OCRL: variants seen among roughly 807,000 people sequenced by gnomAD.
The protein encoded by OCRL is OCRL inositol polyphosphate-5-phosphatase, also known as inositol polyphosphate 5-phosphatase OCRL.
Under a neutral mutation model 78.9 loss-of-function variants are expected in OCRL, and 8 were observed. The ratio of observed to expected loss-of-function variants is 0.10; its 90% CI spans 0.06 to 0.18. OCRL has a LOEUF of 0.18. Among genes scored for constraint, OCRL ranks in the 10% least tolerant of loss-of-function variants. OCRL has a pLI of 1.00. For synonymous variants in OCRL, 240 were observed against 235.4 expected (o/e 1.02, Z -0.18); for missense variants, 454 against 696.7 (o/e 0.65, Z 3.92).
rs770265316 is a variant in OCRL at position 129,540,566 on chromosome X, A to G, written c.39+88A>G. ...CTGCGGAACACGGTGGGGCGGGGCA[A>G]CCGGGTGGCCCAGAGGCCGAGCAGA... On this transcript the variant is annotated intron_variant, in intron 1 of 23. Transcript: ENST00000371113. 4.6e-4 allele frequency: 440 copies of G among 955,713 alleles called. 3 individuals are homozygous for G. The African/African-American group carries it at 8.0e-3, about 17-fold the overall frequency. 78.8% of individuals were successfully genotyped at this position (955,713 alleles called of 1,213,427 possible).
chrX:129,547,814 A>G (rs1237266300), intron 3 of OCRL, among the ~76,000 whole-genome samples: 1 of 111,735 alleles, frequency 8.9e-6, no homozygotes, highest in Admixed American at 9.5e-5. Context: ...AGGTAGATCC[A>G]GGCTAATCCC....
rs1452310953 is a variant in OCRL at position 129,584,352 on chromosome X, C to T, written c.2124C>T (p.Asp708=). The part of the protein sequence containing the change: ...PVTKLIDLEE[D]SFLEKEKSLL... ...TCCTGCTCCGCTCTCAGGAAGAAGA[C>T]AGCTTCCTAGAAAAGGTAATGCAAT... The change falls in exon 19 of 24, where the codon GAC becomes GAT. Residue 708 remains aspartate (D), a synonymous_variant. Transcript: ENST00000371113. The T allele has an allele frequency of 1.3e-5, 16 of 1,208,351 alleles. No homozygotes were observed. Among genetic ancestry groups the T allele is most frequent in the African/African-American group, 1.7e-5 (1 of 57,717 alleles).
chrX:129,569,915 C>T (rs1286224410), intron 15 of OCRL, among the ~76,000 whole-genome samples: 1 of 98,529 alleles, frequency 1.0e-5, no homozygotes, highest in Non-Finnish European at 2.0e-5. Context: ...GTGATCTTGG[C>T]TCACTGCAAC....
At chrX:129,557,259 A>T in intron 4 of OCRL, 66 bp from the exon 5 acceptor site, 2 of 938,770 alleles carry the variant, frequency 2.1e-6, no homozygotes, top group South Asian at 4.0e-5. Flanking sequence ...TGATAAGTTG[A>T]GAATATGATC....
Position 129,561,306 on chromosome X carries a change from T to C in OCRL, c.939+13T>C. 9.5e-7 allele frequency: 1 copy of C among 1,048,317 alleles called. No individual in the cohort carries two copies. Among genetic ancestry groups the C allele is most frequent in the Non-Finnish European group, 1.3e-6 (1 of 746,652 alleles). The allele number at this position is 1,048,317 out of a possible 1,213,427, so 86.4% of individuals were successfully genotyped here. A position where few individuals can be genotyped will look rare whatever the true frequency, so the allele number is the denominator to read the frequency against. ...CAAGTATAAGAAAGTAAGCCGCATT[T>C]AATTATCTTTTTAAGTGTATGACTA... On this transcript the variant is annotated intron_variant, in intron 10 of 23. Transcript: ENST00000371113.
intron 10 of OCRL, among the ~76,000 whole-genome samples, chrX:129,561,515 A>G (rs1453170834): frequency 8.9e-6 from 1 of 111,916 alleles, no homozygotes; most frequent in Non-Finnish European, 1.9e-5. Context: ...CTTTTAGGGG[A>G]AAAAAGAATT....
chrX:129,563,215 C>G (rs1322339113), intron 12 of OCRL, among the ~76,000 whole-genome samples: 1 of 111,744 alleles, frequency 8.9e-6, no homozygotes, highest in Non-Finnish European at 1.9e-5. Context: ...TCCAATATGA[C>G]AACCAGTAGC....
At position 129,565,856 on chromosome X, in the gene OCRL, C is replaced by T. The variant is rs963592941; in HGVS notation, c.1329C>T (p.Asp443=). ...TGAAAAGTCTTATTAATAAGAAAGACCTTCAGAGACTCTTGAAATTCGACC... is the reference window on the plus strand; with the variant it reads ...TGAAAAGTCTTATTAATAAGAAAGATCTTCAGAGACTCTTGAAATTCGACC... ...NEVKSLINKK[D]LQRLLKFDQL... Residue 443 remains aspartate, a synonymous_variant, in exon 13 of 24, where the codon GAC becomes GAT. Coordinates refer to ENST00000371113, the MANE Select transcript of OCRL (RefSeq NM_000276.4). 2.5e-6 allele frequency: 3 copies of T among 1,194,430 alleles called. No homozygotes were observed.
Position 129,540,471 on chromosome X carries a change from C to A in OCRL, c.32C>A (p.Pro11Gln), listed in dbSNP as rs1359386930. Reference protein sequence around the residue: MEPPLPVGAQPLATVEGMEMK... With the variant: MEPPLPVGAQQLATVEGMEMK... ...CCGCCGCTCCCGGTCGGAGCCCAGC[C>A]GCTTGCCGTATCCGCCGGAGAGAAG... The change falls in exon 1 of 24, where the codon CCG becomes CAG. Residue 11 changes from proline (P) to glutamine (Q), a missense_variant. Physicochemically the swap from Pro to Gln is moderately conservative, Grantham distance 76. Coordinates refer to ENST00000371113, the MANE Select transcript of OCRL (RefSeq NM_000276.4). 8.7e-7 allele frequency: 1 copy of A among 1,144,209 alleles called. No homozygotes were observed. The highest frequency in any genetic ancestry group is 1.2e-6 in the Non-Finnish European group (1 of 865,170). 94.3% of individuals were successfully genotyped at this position (1,144,209 alleles called of 1,213,427 possible).
intron 22 of OCRL, chrX:129,589,570 A>G (rs958388572): frequency 2.1e-5 from 8 of 378,612 alleles, no homozygotes; most frequent in South Asian, 7.1e-5. Context: ...ACAGATGAAC[A>G]CTGACCTATT....
Position 129,540,398 on chromosome X carries a change from G to A in OCRL, c.-42G>A. 8 of 1,149,440 alleles carry A rather than the reference G, an allele frequency of 7.0e-6. No individual in the cohort carries two copies. Among genetic ancestry groups the A allele is most frequent in the South Asian group, 1.9e-5 (1 of 52,413 alleles). The allele number at this position is 1,149,440 out of a possible 1,213,427, so 94.7% of individuals were successfully genotyped here. On this transcript the variant is annotated 5_prime_UTR_variant, in exon 1 of 24. Coordinates refer to ENST00000371113, the MANE Select transcript of OCRL (RefSeq NM_000276.4). ...ACGCGGGAGCCAGTGTCGTCGGATCGGCCCGCAGTCCGCTGTCCTGCTGAG... is the reference window on the plus strand; with the variant it reads ...ACGCGGGAGCCAGTGTCGTCGGATCAGCCCGCAGTCCGCTGTCCTGCTGAG...
In OCRL at chrX:129,561,234, G is replaced by C. The variant is rs776619227; in HGVS notation, c.880G>C (p.Glu294Gln). 1 of 1,209,156 alleles carries C rather than the reference G, an allele frequency of 8.3e-7. No homozygotes were observed. Among genetic ancestry groups the C allele is most frequent in the Non-Finnish European group, 1.1e-6 (1 of 893,299 alleles). The change falls in exon 10 of 24, where the codon GAA becomes CAA. Residue 294 changes from glutamate (E) to glutamine (Q), a missense_variant. Glu to Gln is a conservative substitution (Grantham distance 29). Around this residue, in one of 2 missense-constraint regions of OCRL, gnomAD observed 277 missense variants for 517.1 expected, o/e 0.54. Transcript: ENST00000371113. Reference sequence around the variant, plus strand: ...CTTCTTCTACTTTGAATCTGTGAAGGAACAAGAATGGTCCATGGCTGTAGA... The same window carrying C: ...CTTCTTCTACTTTGAATCTGTGAAGCAACAAGAATGGTCCATGGCTGTAGA... ...EAFFYFESVKEQEWSMAVERG... is the reference protein window; with the variant it reads ...EAFFYFESVKQQEWSMAVERG...
At chrX:129,568,657 C>T (rs1481994286) in intron 14 of OCRL, among the ~76,000 whole-genome samples, 1 of 112,363 alleles carries the variant, frequency 8.9e-6, no homozygotes, top group Non-Finnish European at 1.9e-5. Flanking sequence ...TTTCCCTACC[C>T]TTGGTATTCT....
intron 4 of OCRL, among the ~76,000 whole-genome samples, chrX:129,556,911 CA>C (rs1936059998): frequency 8.9e-6 from 1 of 112,156 alleles, no homozygotes; most frequent in Admixed American, 9.4e-5. Flanking sequence ...GATACTCTGA[CA>C]ATGTGATCTG....
chrX:129,571,251 C>T (rs1340891261), intron 15 of OCRL, among the ~76,000 whole-genome samples: 1 of 110,887 alleles, frequency 9.0e-6, no homozygotes, highest in East Asian at 2.8e-4. Context: ...GAGAGGGTAT[C>T]TTTCCTCAAA....
intron 18 of OCRL, among the ~76,000 whole-genome samples, chrX:129,578,444 C>G (rs1602805377): frequency 9.7e-6 from 1 of 102,691 alleles, no homozygotes; most frequent in Non-Finnish European, 1.9e-5. Context: ...TTGTTTCCTT[C>G]TTGTTTTTTT....
intron 12 of OCRL, among the ~76,000 whole-genome samples, chrX:129,564,727 G>C (rs1016661220): frequency 9.1e-5 from 10 of 109,553 alleles, no homozygotes; most frequent in Admixed American, 3.9e-4. Context: ...GTTGTGGGGT[G>C]GGGGGAGCGG....
intron 12 of OCRL, among the ~76,000 whole-genome samples, chrX:129,564,042 C>A (rs1414578113): frequency 9.1e-6 from 1 of 109,338 alleles, no homozygotes; most frequent in Non-Finnish European, 1.9e-5. Flanking sequence ...AAAACAACCC[C>A]ATCAAAAAGT....
chrX:129,589,194 G>A (rs1219599499), intron 22 of OCRL, 181 bp downstream of exon 22: 3 of 502,474 alleles, frequency 6.0e-6, no homozygotes, highest in Admixed American at 2.9e-5. Flanking sequence ...TGTTTCCTAC[G>A]ATATTTGCCA....
Sources: gnomAD v4.1 joint callset for allele counts (sites outside exome capture counted in the v4.1 genomes callset) on GRCh38, gnomAD v4.1.1 for gene constraint, gnomAD v4.1.1 regional missense constraint, MANE v1.5 for transcripts, NCBI Gene and HGNC (gene_info 2026-07-23, HGNC 2026-07-21) for gene names.